PPM1H: variants seen among roughly 807,000 people sequenced by gnomAD.
PPM1H encodes the protein protein phosphatase, Mg2+/Mn2+ dependent 1H, also known as protein phosphatase 1H.
PPM1H carries 27 observed loss-of-function variants against 54.9 expected under a neutral mutation model. The ratio of observed to expected loss-of-function variants is 0.49; its 90% CI spans 0.36 to 0.68. The LOEUF (loss-of-function observed/expected upper bound fraction) is 0.68, where lower values mean the gene tolerates loss of function less well. Ranked by LOEUF, PPM1H falls within the 30% of genes least tolerant of loss-of-function variation. PPM1H has a pLI of 0.00. For missense variants in PPM1H, 596 were observed against 667.8 expected (o/e 0.89, Z 1.19); for synonymous variants, 305 against 270.8 (o/e 1.13, Z -1.24).
chr12:62,666,933 A>T (rs148541546), intron 9 of PPM1H, among the ~76,000 whole-genome samples: 254 of 152,210 alleles, frequency 1.7e-3, no homozygotes, highest in African/African-American at 5.6e-3. Flanking sequence ...AGGCTGGTCT[A>T]GAACTCCTGA....
At chr12:62,808,702 C>G (rs2076819330) in intron 2 of PPM1H, among the ~76,000 whole-genome samples, 1 of 152,154 alleles carries the variant, frequency 6.6e-6, no homozygotes, top group African/African-American at 2.4e-5. Context: ...GCTTTCAGTA[C>G]TCAGCTTAAA....
At chr12:62,765,701 G>A (rs891459101) in intron 4 of PPM1H, among the ~76,000 whole-genome samples, 6 of 152,180 alleles carry the variant, frequency 3.9e-5, no homozygotes, top group East Asian at 1.9e-4. Context: ...TTGGGCCCCC[G>A]GCACACAGAG....
At chr12:62,800,631 C>T (rs1489130237) in intron 3 of PPM1H, among the ~76,000 whole-genome samples, 2 of 152,168 alleles carry the variant, frequency 1.3e-5, no homozygotes, top group East Asian at 3.9e-4. Flanking sequence ...ACCACCGTGC[C>T]CGGCCTGTAA....
rs1872251637 is a variant in PPM1H, at chr12:62,934,398, C to A, written c.245+94G>T. 1.4e-6 allele frequency: 2 copies of A among 1,394,516 alleles called. No individual in the cohort carries two copies. The highest frequency in any genetic ancestry group is 1.9e-6 in the Non-Finnish European group (2 of 1,071,926). 86.4% of individuals were successfully genotyped at this position (1,394,516 alleles called of 1,614,324 possible). ...CTGGACGCCGGCAGCTAGTGAGAGC[C>A]CTGAGGCCGAGAAGCAGGGAGAGAA... On this transcript the variant is annotated intron_variant, in intron 1 of 9. Coordinates refer to ENST00000228705, the MANE Select transcript of PPM1H (RefSeq NM_020700.2). The surrounding 1 kb of genome is among the most constrained non-coding windows in gnomAD (Gnocchi z 4.2).
chr12:62,682,688 G>C (rs1192548332), intron 8 of PPM1H, among the ~76,000 whole-genome samples: 1 of 152,156 alleles, frequency 6.6e-6, no homozygotes, highest in African/African-American at 2.4e-5. Flanking sequence ...ACTTTTTGTA[G>C]AGACAGGGTT....
At chr12:62,708,222 C>G (rs2076186091) in intron 6 of PPM1H, among the ~76,000 whole-genome samples, 1 of 152,186 alleles carries the variant, frequency 6.6e-6, no homozygotes. Context: ...TTAATAAGTC[C>G]TTGATTTACT....
At chr12:62,913,069 G>C (rs1444131790) in intron 1 of PPM1H, among the ~76,000 whole-genome samples, 3 of 152,222 alleles carry the variant, frequency 2.0e-5, no homozygotes, top group Admixed American at 6.5e-5. Context: ...ACCCCATGGA[G>C]AGCTTAAGGG....
intron 1 of PPM1H, among the ~76,000 whole-genome samples, chr12:62,870,805 G>T (rs540694): frequency 0.65 from 98,927 of 152,034 alleles, 33,280 homozygotes; most frequent in African/African-American, 0.82. Flanking sequence ...AATAAGCACA[G>T]GGAAAAATGC....
chr12:62,809,915 T>A (rs190687854), intron 2 of PPM1H, among the ~76,000 whole-genome samples: 4 of 152,252 alleles, frequency 2.6e-5, no homozygotes, highest in Non-Finnish European at 4.4e-5. Context: ...CCTATCTCTC[T>A]GCTTGGAAAA....
intron 3 of PPM1H, among the ~76,000 whole-genome samples, chr12:62,794,579 C>T (rs1408431576): frequency 1.3e-5 from 2 of 152,120 alleles, no homozygotes; most frequent in South Asian, 2.1e-4. Context: ...CTCTGAGATC[C>T]TCCCGGCTAT....
At chr12:62,879,743 C>G (rs1376626289) in intron 1 of PPM1H, among the ~76,000 whole-genome samples, 2 of 151,856 alleles carry the variant, frequency 1.3e-5, no homozygotes, top group East Asian at 3.9e-4. Flanking sequence ...CACATGTACC[C>G]TAGAACTTAA....
At chr12:62,652,439 C>G (rs922891050) in intron 9 of PPM1H, among the ~76,000 whole-genome samples, 16 of 152,156 alleles carry the variant, frequency 1.1e-4, no homozygotes, top group Non-Finnish European at 2.1e-4. Context: ...AAAACAAAAT[C>G]CATATAGTCA....
chr12:62,667,185 G>A lies in PPM1H; in HGVS notation c.1390C>T (p.Pro464Ser), dbSNP rs1565750017. The change falls in exon 9 of 10, where the codon CCT becomes TCT. Residue 464 changes from proline (P) to serine (S), a missense_variant. This residue lies in a region of PPM1H where 208 missense variants were observed against 259.5 expected (regional missense o/e 0.80). Transcript: ENST00000228705. ...TTGTAGAAATGCACAAACCTGTGAG[G>A]ATCATCTGGATCACAGTTAGGAAGA... ...QFLPNCDPDD[P>S]HRYTLAAQDL... The A allele has an allele frequency of 6.3e-7, 1 of 1,592,790 alleles. No individual in the cohort carries two copies. Among genetic ancestry groups the A allele is most frequent in the East Asian group, 2.2e-5 (1 of 44,788 alleles).
At chr12:62,686,225 G>C (rs555553786) in intron 8 of PPM1H, among the ~76,000 whole-genome samples, 1 of 152,328 alleles carries the variant, frequency 6.6e-6, no homozygotes, top group East Asian at 1.9e-4. Flanking sequence ...GAGATCTGCA[G>C]TAGCAGAGAG....
At chr12:62,868,792 A>G (rs1423669164) in intron 1 of PPM1H, among the ~76,000 whole-genome samples, 2 of 152,228 alleles carry the variant, frequency 1.3e-5, no homozygotes, top group Non-Finnish European at 2.9e-5. Flanking sequence ...TGGTGCAAAC[A>G]CTACGCACAG....
At chr12:62,654,575 G>A (rs896115742) in intron 9 of PPM1H, among the ~76,000 whole-genome samples, 3 of 152,162 alleles carry the variant, frequency 2.0e-5, no homozygotes, top group East Asian at 1.9e-4. Flanking sequence ...CCGCTTGGCC[G>A]CTTGGTCCTC....
At chr12:62,766,685 G>A (rs2076545859) in intron 4 of PPM1H, among the ~76,000 whole-genome samples, 1 of 152,188 alleles carries the variant, frequency 6.6e-6, no homozygotes, top group African/African-American at 2.4e-5. Context: ...AAGCTCTTCA[G>A]CAGGGTCCTT....
intron 3 of PPM1H, among the ~76,000 whole-genome samples, chr12:62,789,205 G>C (rs962561647): frequency 6.6e-6 from 1 of 152,070 alleles, no homozygotes; most frequent in Non-Finnish European, 1.5e-5. Context: ...TGTGGGGACA[G>C]GGTCTCACTA....
intron 9 of PPM1H, among the ~76,000 whole-genome samples, chr12:62,656,719 T>TAATACAGTGTGAGG (rs1430236854): frequency 6.6e-6 from 1 of 152,042 alleles, no homozygotes; most frequent in Non-Finnish European, 1.5e-5. Flanking sequence ...ACACCCGCAG[T>TAATACAGTGTGAGG]AATACAGTGT....
Sources: allele counts gnomAD v4.1 joint callset (sites outside exome capture counted in the v4.1 genomes callset), GRCh38; gene constraint gnomAD v4.1.1; regional missense constraint gnomAD v4.1.1; non-coding constraint Gnocchi (gnomAD v3.1); transcripts MANE v1.5; gene names NCBI Gene and HGNC (gene_info 2026-07-23, HGNC 2026-07-21).